The following RB1 variants were observed in gnomAD, a reference collection of about 807,000 sequenced individuals.
The protein encoded by RB1 is retinoblastoma-associated protein.
Under a neutral mutation model 135.4 loss-of-function variants are expected in RB1, and 18 were observed. The observed-to-expected ratio is 0.13, with a 90% CI of 0.09 to 0.20. RB1 has a LOEUF of 0.20. Among genes scored for constraint, RB1 ranks in the 10% least tolerant of loss-of-function variants. The probability of loss-of-function intolerance (pLI) is 1.00; values close to 1 mark genes in which losing one functional copy is unlikely to be tolerated. For synonymous variants in RB1, 365 were observed against 373.2 expected, an observed-to-expected ratio of 0.98 and a Z score of 0.25; for missense variants, 868 against 1,110.0, an observed-to-expected ratio of 0.78 and a Z score of 3.10.
chr13:48,315,432 A>G (rs925775731), intron 2 of RB1, among the ~76,000 whole-genome samples: 1 of 150,064 alleles, frequency 6.7e-6, no homozygotes, highest in Non-Finnish European at 1.5e-5. Context: ...ATCAGAGACT[A>G]TGGGATTTTC....
intron 17 of RB1, among the ~76,000 whole-genome samples, chr13:48,451,021 T>C (rs1056788086): frequency 2.0e-5 from 3 of 152,236 alleles, no homozygotes; most frequent in Non-Finnish European, 4.4e-5. Flanking sequence ...TTATTGCACA[T>C]TGATTTTGTA....
intron 17 of RB1, among the ~76,000 whole-genome samples, chr13:48,388,145 T>C (rs1036782120): frequency 1.3e-5 from 2 of 152,242 alleles, no homozygotes; most frequent in Non-Finnish European, 2.9e-5. Flanking sequence ...TCATGTAAAG[T>C]ACTTAAAACA....
intron 17 of RB1, chr13:48,406,690 C>G (rs1401982983): frequency 6.6e-6 from 1 of 152,212 alleles, no homozygotes; most frequent in Non-Finnish European, 1.5e-5. Flanking sequence ...TATCCAAATT[C>G]TCTCCCACAG....
At chr13:48,338,254 T>G (rs377281463) in intron 2 of RB1, among the ~76,000 whole-genome samples, 6 of 152,210 alleles carry the variant, frequency 3.9e-5, no homozygotes, top group Admixed American at 1.3e-4. Flanking sequence ...AGTTCTCCTG[T>G]ATAATATCCT....
At chr13:48,412,476 T>C in intron 17 of RB1, 1 of 1,158,670 alleles carries the variant, frequency 8.6e-7, no homozygotes, top group South Asian at 1.2e-5. Flanking sequence ...AGCTGCAGTC[T>C]CCTTTGGGAT....
chr13:48,449,476 T>C (rs1014421660), intron 17 of RB1, among the ~76,000 whole-genome samples: 4 of 152,230 alleles, frequency 2.6e-5, no homozygotes. Context: ...TCCTTAATGC[T>C]GAGTTCCAAT....
intron 17 of RB1, chr13:48,415,811 C>A (rs1300428270): frequency 6.6e-6 from 1 of 152,156 alleles, no homozygotes; most frequent in Non-Finnish European, 1.5e-5. Context: ...AGCAGAGGGA[C>A]TGTTTGAACA....
chr13:48,348,806 A>T, intron 5 of RB1, 150 bp from the exon 6 acceptor site: 1 of 825,030 alleles, frequency 1.2e-6, no homozygotes, highest in South Asian at 1.9e-5. Context: ...TAAATTATGC[A>T]ATTAAAATGG....
At chr13:48,410,274 G>A (rs552095185) in intron 17 of RB1, among the ~76,000 whole-genome samples, 3 of 152,316 alleles carry the variant, frequency 2.0e-5, no homozygotes, top group Middle Eastern at 6.8e-3. Context: ...TCTGTGTTGA[G>A]ATGTATTTAG....
rs753520981 is a variant in RB1, at chr13:48,380,207, G to A, written c.1464G>A (p.Ala488=). Residue 488 remains alanine, a synonymous_variant, in exon 16 of 27, where the codon GCG becomes GCA. Transcript: ENST00000267163. ...NDNIFHMSLL[A]CALEVVMATY... ...ACATTTTTCATATGTCTTTATTGGC[G>A]TGCGCTCTTGAGGTTGTAATGGCCA... 4.2e-5 allele frequency: 67 copies of A among 1,603,188 alleles called. No individual in the cohort carries two copies. The highest frequency in any genetic ancestry group is 5.3e-5 in the Non-Finnish European group (62 of 1,174,684).
intron 2 of RB1, among the ~76,000 whole-genome samples, chr13:48,339,656 A>C (rs573916622): frequency 6.6e-6 from 1 of 152,160 alleles, no homozygotes; most frequent in South Asian, 2.1e-4. Flanking sequence ...TTTGGCTCAC[A>C]CTTGGTTGGC....
chr13:48,378,294 C>G (rs1848406205), intron 13 of RB1, among the ~76,000 whole-genome samples: 1 of 152,150 alleles, frequency 6.6e-6, no homozygotes, highest in Non-Finnish European at 1.5e-5. Flanking sequence ...CCTTATACAG[C>G]TGTACAAAAA....
At chr13:48,367,472 T>C (rs1321053468) in intron 9 of RB1, 22 bp from the exon 10 acceptor site, 1 of 1,595,930 alleles carries the variant, frequency 6.3e-7, no homozygotes, top group African/African-American at 1.3e-5. Context: ...AGGATAATTG[T>C]CAGTGACTTT....
intron 17 of RB1, chr13:48,411,512 C>T (rs977704360): frequency 6.2e-7 from 1 of 1,612,036 alleles, no homozygotes; most frequent in Non-Finnish European, 8.5e-7. Context: ...ACCAGTTTTT[C>T]ATTTTTATTG....
At chr13:48,380,375 AGAAT>A (rs1373885511) in intron 16 of RB1, 134 bp downstream of exon 16, 1 of 667,772 alleles carries the variant, frequency 1.5e-6, no homozygotes, top group East Asian at 2.9e-5. Context: ...TATATACTGA[AGAAT>A]GTAATTGGTC....
chr13:48,364,472 G>A (rs951180571), intron 8 of RB1, among the ~76,000 whole-genome samples: 13 of 152,016 alleles, frequency 8.6e-5, no homozygotes, highest in African/African-American at 2.9e-4. Context: ...TTTATCATAA[G>A]AAGATGATAT....
chr13:48,411,902 T>C (rs988452221), intron 17 of RB1: 1 of 1,613,418 alleles, frequency 6.2e-7, no homozygotes, highest in Non-Finnish European at 8.5e-7. Flanking sequence ...TCCATGTGGC[T>C]TCTGGAAAAT....
chr13:48,326,873 T>C (rs1389323269), intron 2 of RB1, among the ~76,000 whole-genome samples: 2 of 152,010 alleles, frequency 1.3e-5, no homozygotes, highest in Non-Finnish European at 2.9e-5. Context: ...AAAAAAAAAG[T>C]TCGTATACAA....
chr13:48,348,384 G>A (rs749851602), intron 5 of RB1, among the ~76,000 whole-genome samples: 12 of 151,738 alleles, frequency 7.9e-5, no homozygotes, highest in Non-Finnish European at 1.6e-4. Flanking sequence ...AATATAAAGG[G>A]AAATTGTATA....
Sources: allele counts gnomAD v4.1 joint callset (sites outside exome capture counted in the v4.1 genomes callset), GRCh38; gene constraint gnomAD v4.1.1; transcripts MANE v1.5; gene names NCBI Gene and HGNC (gene_info 2026-07-23, HGNC 2026-07-21).